Variants in BNC2 observed in about 807,000 individuals in gnomAD.
BNC2 encodes the protein basonuclin zinc finger protein 2, also known as zinc finger protein basonuclin-2.
BNC2 carries 20 observed loss-of-function variants against 76.3 expected under a neutral mutation model. The observed-to-expected ratio is 0.26, with a 90% CI of 0.18 to 0.38. The LOEUF is 0.38. Ranked by LOEUF, BNC2 falls within the 10% of genes least tolerant of loss-of-function variation. BNC2 has a pLI of 1.00. For missense variants in BNC2, 1,382 were observed against 1,399.8 expected, an observed-to-expected ratio of 0.99 and a Z score of 0.20; for synonymous variants, 582 against 514.8, an observed-to-expected ratio of 1.13 and a Z score of -1.77.
intron 1 of BNC2, among the ~76,000 whole-genome samples, chr9:16,796,558 T>G (rs1331688391): frequency 9.0e-6 from 1 of 111,230 alleles, no homozygotes; most frequent in Non-Finnish European, 1.7e-5. Context: ...GGTGACAGAG[T>G]GAGACTCCGT....
chr9:16,512,197 G>C (rs1822773130), intron 5 of BNC2, among the ~76,000 whole-genome samples: 1 of 152,042 alleles, frequency 6.6e-6, no homozygotes, highest in Non-Finnish European at 1.5e-5. Flanking sequence ...ATCCTTAAAA[G>C]GGTGTTTGAT....
chr9:16,787,625 T>G (rs555353586), intron 1 of BNC2, among the ~76,000 whole-genome samples: 19 of 152,252 alleles, frequency 1.2e-4, no homozygotes, highest in Admixed American at 1.0e-3. Context: ...ACCTTTTGAG[T>G]GTATTTTTGT....
intron 3 of BNC2, among the ~76,000 whole-genome samples, chr9:16,664,045 A>G (rs1587288819): frequency 1.3e-5 from 2 of 152,206 alleles, no homozygotes; most frequent in African/African-American, 2.4e-5. Context: ...TTAACCCTCC[A>G]TTGATCCTCG....
At chr9:16,623,779 G>A (rs970949274) in intron 3 of BNC2, among the ~76,000 whole-genome samples, 7 of 152,170 alleles carry the variant, frequency 4.6e-5, no homozygotes, top group Admixed American at 1.3e-4. Flanking sequence ...GGAAAACCCC[G>A]TGAGGCCAGT....
intron 1 of BNC2, among the ~76,000 whole-genome samples, chr9:16,791,989 C>A (rs143490048): frequency 6.6e-6 from 1 of 151,546 alleles, no homozygotes; most frequent in Non-Finnish European, 1.5e-5. Context: ...GTGGTCCCAA[C>A]TACTTGGGAG....
intron 3 of BNC2, among the ~76,000 whole-genome samples, chr9:16,604,954 T>G (rs998983739): frequency 6.6e-6 from 1 of 152,212 alleles, no homozygotes; most frequent in Non-Finnish European, 1.5e-5. Context: ...GTAAAGCTAA[T>G]AAGGCTACTG....
chr9:16,844,279 G>T, intron 1 of BNC2, among the ~76,000 whole-genome samples: 1 of 151,796 alleles, frequency 6.6e-6, no homozygotes, highest in East Asian at 1.9e-4. Context: ...TGAGTTGGGG[G>T]CTTACGACTA....
At chr9:16,669,237 C>T (rs1397546471) in intron 3 of BNC2, among the ~76,000 whole-genome samples, 2 of 152,108 alleles carry the variant, frequency 1.3e-5, no homozygotes, top group Non-Finnish European at 2.9e-5. Context: ...TGACCAACCA[C>T]AAGATAAAAA....
intron 1 of BNC2, among the ~76,000 whole-genome samples, chr9:16,834,784 A>G (rs927544845): frequency 1.3e-5 from 2 of 152,156 alleles, no homozygotes; most frequent in African/African-American, 4.8e-5. Flanking sequence ...CACTCAACAA[A>G]GAGTTTTTAA....
At chr9:16,812,879 G>T (rs577212312) in intron 1 of BNC2, among the ~76,000 whole-genome samples, 1 of 152,206 alleles carries the variant, frequency 6.6e-6, no homozygotes, top group South Asian at 2.1e-4. Context: ...TAGTGTCTCT[G>T]GTTACCTCAA....
chr9:16,462,236 T>A (rs1821598932), intron 5 of BNC2, among the ~76,000 whole-genome samples: 2 of 152,156 alleles, frequency 1.3e-5, no homozygotes, highest in South Asian at 4.1e-4. Context: ...AAGAAAAAAA[T>A]TATTAAAGCC....
At chr9:16,668,340 T>C (rs1822362813) in intron 3 of BNC2, among the ~76,000 whole-genome samples, 1 of 152,202 alleles carries the variant, frequency 6.6e-6, no homozygotes, top group Non-Finnish European at 1.5e-5. Flanking sequence ...GTTAATTAAG[T>C]ATCCTATGAA....
chr9:16,718,975 T>C (rs1368827400), intron 3 of BNC2, among the ~76,000 whole-genome samples: 1 of 152,152 alleles, frequency 6.6e-6, no homozygotes, highest in Non-Finnish European at 1.5e-5. Context: ...TTCCACAAAG[T>C]TTACAGCCAG....
chr9:16,864,049 AT>A (rs1485857545), intron 1 of BNC2, among the ~76,000 whole-genome samples: 2 of 152,180 alleles, frequency 1.3e-5, no homozygotes, highest in Non-Finnish European at 2.9e-5. Context: ...TTAAAATAAT[AT>A]TTTCCAATAC....
chr9:16,724,160 G>C (rs1369323349), intron 3 of BNC2, among the ~76,000 whole-genome samples: 1 of 151,912 alleles, frequency 6.6e-6, no homozygotes, highest in Non-Finnish European at 1.5e-5. Context: ...AATGTCTCTA[G>C]TAACACATTA....
intron 3 of BNC2, among the ~76,000 whole-genome samples, chr9:16,600,876 T>C (rs1394426004): frequency 6.6e-6 from 1 of 152,198 alleles, no homozygotes; most frequent in Non-Finnish European, 1.5e-5. Flanking sequence ...GTCCTACCTT[T>C]CATCTGAAAT....
At chr9:16,798,173 T>C (rs938047710) in intron 1 of BNC2, among the ~76,000 whole-genome samples, 1 of 152,198 alleles carries the variant, frequency 6.6e-6, no homozygotes, top group African/African-American at 2.4e-5. Context: ...GAAAATGAAC[T>C]ATTTTCAAGT....
At chr9:16,474,942 T>C (rs1424082855) in intron 5 of BNC2, among the ~76,000 whole-genome samples, 2 of 152,164 alleles carry the variant, frequency 1.3e-5, no homozygotes, top group African/African-American at 2.4e-5. Flanking sequence ...ATCAGACTTC[T>C]GTGTTCCAGC....
At chr9:16,632,161 T>C (rs550946175) in intron 3 of BNC2, among the ~76,000 whole-genome samples, 14 of 152,304 alleles carry the variant, frequency 9.2e-5, no homozygotes, top group African/African-American at 2.4e-4. Context: ...GGACTACCCA[T>C]GTCATCTTGC....
Sources: allele counts gnomAD v4.1 joint callset (sites outside exome capture counted in the v4.1 genomes callset), GRCh38; gene constraint gnomAD v4.1.1; transcripts MANE v1.5; gene names NCBI Gene and HGNC (gene_info 2026-07-23, HGNC 2026-07-21).